The following SLC5A4 variants were observed in gnomAD, a reference collection of about 807,000 sequenced individuals.
SLC5A4 encodes probable glucose sensor protein SLC5A4.
Under a neutral mutation model 70.3 loss-of-function variants are expected in SLC5A4, and 55 were observed. The observed-to-expected ratio is 0.78, with a 90% CI of 0.63 to 0.98. The LOEUF is 0.98. Ranked by LOEUF, SLC5A4 falls within the 50% of genes least tolerant of loss-of-function variation. The pLI is 0.00. For synonymous variants in SLC5A4, 268 were observed against 305.7 expected, an observed-to-expected ratio of 0.88 and a Z score of 1.29; for missense variants, 735 against 839.2, an observed-to-expected ratio of 0.88 and a Z score of 1.53.
chr22:32,305,100 T>A, the SLC5A4 span, among the ~76,000 whole-genome samples: 1 of 152,212 alleles, frequency 6.6e-6, no homozygotes, highest in Non-Finnish European at 1.5e-5. Context: ...AATACCACAC[T>A]GTCTTATGTA....
At chr22:32,337,780 G>T in the SLC5A4 span, among the ~76,000 whole-genome samples, 4 of 152,306 alleles carry the variant, frequency 2.6e-5, no homozygotes, top group African/African-American at 9.6e-5. Flanking sequence ...GACAGGAAGA[G>T]ATACAAGTAG....
the SLC5A4 span, among the ~76,000 whole-genome samples, chr22:32,318,352 C>G: frequency 0.27 from 41,061 of 151,736 alleles, 5,724 homozygotes; most frequent in South Asian, 0.41. Flanking sequence ...CGTGTCTACT[C>G]GATGTCACCA....
At chr22:32,247,682 AGT>A (rs1334912047) in intron 4 of SLC5A4, among the ~76,000 whole-genome samples, 167 bp from the exon 5 acceptor site, 1 of 152,180 alleles carries the variant, frequency 6.6e-6, no homozygotes, top group African/African-American at 2.4e-5. Flanking sequence ...TGCCATGCAC[AGT>A]GACTGGCAGA....
At chr22:32,256,429 AAAATTTACCATTTT>A (rs1312422196), upstream of SLC5A4, among the ~76,000 whole-genome samples, 1 of 152,222 alleles carries the variant, frequency 6.6e-6, no homozygotes, top group East Asian at 1.9e-4. Flanking sequence ...TACATAGCAT[AAAATTTACCATTTT>A]AATCCCTTTT....
chr22:32,271,655 C>A, the SLC5A4 span: 1 of 599,188 alleles, frequency 1.7e-6, no homozygotes. Context: ...ACCTCACTGG[C>A]TCCTGGCGAC....
At chr22:32,222,990 TG>T (rs1925173413) in intron 13 of SLC5A4, among the ~76,000 whole-genome samples, 1 of 152,220 alleles carries the variant, frequency 6.6e-6, no homozygotes, top group African/African-American at 2.4e-5. Flanking sequence ...GATTTTTTTT[TG>T]TATGCTTAGA....
At chr22:32,280,612 C>T in the SLC5A4 span, among the ~76,000 whole-genome samples, 1 of 152,208 alleles carries the variant, frequency 6.6e-6, no homozygotes, top group Non-Finnish European at 1.5e-5. Context: ...CTGTTTGTCT[C>T]TCCACTGAGG....
At chr22:32,330,606 CTG>C in the SLC5A4 span, among the ~76,000 whole-genome samples, 21 of 86,792 alleles carry the variant, frequency 2.4e-4, no homozygotes, top group South Asian at 9.0e-4. Flanking sequence ...GTGTAGGAAA[CTG>C]TTGTGTCAGG....
the SLC5A4 span, among the ~76,000 whole-genome samples, chr22:32,324,085 A>T: frequency 6.6e-6 from 1 of 152,296 alleles, no homozygotes; most frequent in East Asian, 1.9e-4. Flanking sequence ...CACCAAATTC[A>T]GGCTGGTGGA....
the SLC5A4 span, among the ~76,000 whole-genome samples, chr22:32,303,679 G>A: frequency 6.4e-4 from 97 of 152,214 alleles, no homozygotes; most frequent in African/African-American, 2.2e-3. Flanking sequence ...TTGTCTGGAT[G>A]TACCACGGTT....
chr22:32,338,312 T>C, the SLC5A4 span, among the ~76,000 whole-genome samples: 6 of 151,572 alleles, frequency 4.0e-5, no homozygotes, highest in East Asian at 1.2e-3. Context: ...CGAGAGGAAA[T>C]ACAGTTAACA....
chr22:32,306,461 G>T, the SLC5A4 span, among the ~76,000 whole-genome samples: 7 of 95,066 alleles, frequency 7.4e-5, no homozygotes, highest in Non-Finnish European at 1.3e-4. Flanking sequence ...GCAAGACTCG[G>T]TCTCAAAAAA....
the SLC5A4 span, chr22:32,272,254 G>A: frequency 1.3e-6 from 1 of 793,554 alleles, no homozygotes; most frequent in South Asian, 1.4e-5. Flanking sequence ...CCCGAGCCCA[G>A]CCAGCCCTTG....
chr22:32,347,712 G>GGGGGA, the SLC5A4 span, among the ~76,000 whole-genome samples: 1 of 115,632 alleles, frequency 8.6e-6, no homozygotes, highest in African/African-American at 3.3e-5. Flanking sequence ...TTGTGGGGTG[G>GGGGGA]GGGGAGGGGG....
the SLC5A4 span, among the ~76,000 whole-genome samples, chr22:32,265,374 C>A: frequency 6.6e-6 from 1 of 151,292 alleles, no homozygotes; most frequent in Non-Finnish European, 1.5e-5. Context: ...GGCAACAGAG[C>A]AAGACCCTGT....
chr22:32,279,033 T>C, the SLC5A4 span, among the ~76,000 whole-genome samples: 1 of 152,196 alleles, frequency 6.6e-6, no homozygotes, highest in Admixed American at 6.5e-5. Context: ...TCCCAGCACT[T>C]TGGGAGGCCG....
At position 32,232,928 on chromosome 22, in the gene SLC5A4, G is replaced by C; in HGVS notation, c.992C>G (p.Pro331Arg). The change falls in exon 9 of 15, where the codon CCG becomes CGG. Residue 331 changes from proline (P) to arginine (R), a missense_variant. By Grantham distance (103) the Pro-to-Arg change is moderately radical. Transcript: ENST00000266086. ...GTACAGGATGCGGCTGATCATCCCCGGCATCACCATGAGGAACATGGGCAG... is the reference window on the plus strand; with the variant it reads ...GTACAGGATGCGGCTGATCATCCCCCGCATCACCATGAGGAACATGGGCAG... ...KLLPMFLMVM[P>R]GMISRILYTD... is the part of the protein sequence containing the mutation. The C allele has an allele frequency of 6.2e-7, 1 of 1,614,028 alleles. No homozygotes were observed. The highest frequency in any genetic ancestry group is 8.5e-7 in the Non-Finnish European group (1 of 1,179,974).
chr22:32,312,730 T>C, the SLC5A4 span, among the ~76,000 whole-genome samples: 11 of 151,994 alleles, frequency 7.2e-5, no homozygotes, highest in Non-Finnish European at 1.6e-4. Flanking sequence ...CGGCTGTCCC[T>C]GGCATCTCTG....
chr22:32,261,147 C>T, the SLC5A4 span, among the ~76,000 whole-genome samples: 1 of 151,998 alleles, frequency 6.6e-6, no homozygotes, highest in Non-Finnish European at 1.5e-5. Flanking sequence ...TTAGCGAAGG[C>T]TAAACAATAT....
Sources: gnomAD v4.1 joint callset for allele counts (sites outside exome capture counted in the v4.1 genomes callset) on GRCh38, gnomAD v4.1.1 for gene constraint, MANE v1.5 for transcripts, NCBI Gene and HGNC (gene_info 2026-07-23, HGNC 2026-07-21) for gene names.